C17orf113: variants seen among roughly 807,000 people sequenced by gnomAD.
C17orf113 encodes the protein uncharacterized protein C17orf113.
Under a neutral mutation model 11.6 loss-of-function variants are expected in C17orf113, and 5 were observed. That is an observed-to-expected ratio of 0.43 (90% CI 0.23 to 0.91). The LOEUF is 0.91. C17orf113 is among the 40% of genes least tolerant of loss of function. C17orf113 has a pLI of 0.26. For synonymous variants in C17orf113, 327 were observed against 390.6 expected, an observed-to-expected ratio of 0.84 and a Z score of 1.92; for missense variants, 714 against 841.3, an observed-to-expected ratio of 0.85 and a Z score of 1.87.
At chr17:42,045,719 T>C (rs1253258307) in intron 1 of C17orf113, among the ~76,000 whole-genome samples, 1 of 152,068 alleles carries the variant, frequency 6.6e-6, no homozygotes, top group Non-Finnish European at 1.5e-5. Context: ...GCTGCCTCGG[T>C]CTCTGCATGG....
At chr17:42,046,854 T>C (rs1029583925) in intron 1 of C17orf113, among the ~76,000 whole-genome samples, 32 of 151,320 alleles carry the variant, frequency 2.1e-4, no homozygotes, top group Non-Finnish European at 4.0e-4. Flanking sequence ...TTAGATGATA[T>C]TTTTTTTCCT....
intron 1 of C17orf113, among the ~76,000 whole-genome samples, chr17:42,044,331 A>T: frequency 8.7e-6 from 1 of 115,360 alleles, no homozygotes. Context: ...AAAAAAAAAA[A>T]GACGGCCGGG....
At chr17:42,047,527 T>G (rs1229884893) in intron 1 of C17orf113, among the ~76,000 whole-genome samples, 1 of 152,050 alleles carries the variant, frequency 6.6e-6, no homozygotes, top group Non-Finnish European at 1.5e-5. Context: ...TGTATACCAG[T>G]GCCCTGTGTG....
At position 42,040,355 on chromosome 17, in the gene C17orf113, T is replaced by G; in HGVS notation, c.1378A>C (p.Met460Leu). The change falls in exon 3 of 3, where the codon ATG becomes CTG. Residue 460 changes from methionine to leucine, a missense_variant. Transcript: ENST00000587304. Reference sequence around the variant, plus strand: ...CGTCCGCTGCTGGCGTCAGGGTCCATGGATGCCAGTTCCTGCAGGAAGCCC... The same window carrying G: ...CGTCCGCTGCTGGCGTCAGGGTCCAGGGATGCCAGTTCCTGCAGGAAGCCC... ...LQGFLQELAS[M>L]DPDASSGRCT... 8.1e-7 allele frequency: 1 copy of G among 1,231,796 alleles called. No individual in the cohort carries two copies. The highest frequency in any genetic ancestry group is 1.0e-6 in the Non-Finnish European group (1 of 987,886). 76.3% of individuals were successfully genotyped at this position (1,231,796 alleles called of 1,614,324 possible). A position where few individuals can be genotyped will look rare whatever the true frequency, so the allele number is the denominator to read the frequency against.
rs565475548 is a variant in C17orf113, at chr17:42,039,824, C to T, written c.1909G>A (p.Gly637Ser). 20 of 1,232,068 alleles carry T rather than the reference C, an allele frequency of 1.6e-5. No homozygotes were observed. Among genetic ancestry groups the T allele is most frequent in the African/African-American group, 6.2e-5 (4 of 64,432 alleles). 76.3% of individuals were successfully genotyped at this position (1,232,068 alleles called of 1,614,324 possible). The part of the protein sequence containing the change: ...GQSGAGEGRG[G>S]HMVKIAVDGP... ...TCCACTGCGATCTTCACCATGTGGC[C>T]CCCCCGGCCTTCCCCGGCCCCACTC... is the stretch of plus-strand genomic sequence containing the variant. Residue 637 changes from glycine (G) to serine (S), a missense_variant, in exon 3 of 3, where the codon GGC (glycine) becomes AGC (serine). Around this residue, in one of 3 missense-constraint regions of C17orf113, gnomAD observed 194 missense variants for 197.2 expected, o/e 0.98. Coordinates refer to ENST00000587304, the MANE Select transcript of C17orf113 (RefSeq NM_001358661.2).
chr17:42,044,637 A>T (rs545330213), intron 1 of C17orf113, among the ~76,000 whole-genome samples: 1 of 152,160 alleles, frequency 6.6e-6, no homozygotes, highest in South Asian at 2.1e-4. Context: ...AAAAGAAAGA[A>T]AAGAAATCAG....
At chr17:42,046,888 A>C (rs2053172629) in intron 1 of C17orf113, among the ~76,000 whole-genome samples, 1 of 150,122 alleles carries the variant, frequency 6.7e-6, no homozygotes, top group Non-Finnish European at 1.5e-5. Flanking sequence ...TAATTGAGAC[A>C]GTTTCACTGT....
chr17:42,048,028 A>T (rs2053204299), intron 1 of C17orf113, among the ~76,000 whole-genome samples: 1 of 151,960 alleles, frequency 6.6e-6, no homozygotes, highest in Admixed American at 6.5e-5. Context: ...GGCTTCTAGG[A>T]TCCCATGTTC....
intron 1 of C17orf113, among the ~76,000 whole-genome samples, chr17:42,045,107 C>T (rs782360059): frequency 7.2e-5 from 11 of 152,196 alleles, no homozygotes; most frequent in East Asian, 1.9e-4. Context: ...TTAGTGGAGA[C>T]GGGGTTTCAC....
rs1010116083 is a variant in C17orf113 at position 42,039,967 on chromosome 17, T to C, written c.1766A>G (p.Glu589Gly). Residue 589 changes from glutamate (E) to glycine (G), a missense_variant, in exon 3 of 3, where the codon GAG becomes GGG. This residue lies in a region of C17orf113 where 194 missense variants were observed against 197.2 expected (regional missense o/e 0.98). Transcript: ENST00000587304. ...GAAGTCGGGGAAGAGCTCGTGCAGC[T>C]CCGAGTGCGCGCACGCCAGCTGGGT... is the stretch of plus-strand genomic sequence containing the variant. ...LCTQLACAHS[E>G]LHELFPDFAA... 8.4e-5 allele frequency: 103 copies of C among 1,230,974 alleles called. No individual in the cohort carries two copies. In the East Asian group the frequency reaches 1.7e-3, roughly 21 times the overall value. 76.3% of individuals were successfully genotyped at this position (1,230,974 alleles called of 1,614,324 possible).
rs2053011567 is a variant in C17orf113, at chr17:42,041,194, G to A, written c.544-5C>T. 4.9e-6 allele frequency: 6 copies of A among 1,232,528 alleles called. No individual in the cohort carries two copies. Among genetic ancestry groups the A allele is most frequent in the Non-Finnish European group, 6.1e-6 (6 of 988,240 alleles). The allele number at this position is 1,232,528 out of a possible 1,614,324, so 76.3% of individuals were successfully genotyped here. A position where few individuals can be genotyped will look rare whatever the true frequency, so the allele number is the denominator to read the frequency against. ...CAAGACACTGGCAATGGCCACCTGG[G>A]ACAGCCAGGGAAAGAAAGGGAGGGA... On this transcript the variant is annotated splice_region_variant and splice_polypyrimidine_tract_variant and intron_variant, in intron 2 of 2. Coordinates refer to ENST00000587304, the MANE Select transcript of C17orf113 (RefSeq NM_001358661.2).
intron 1 of C17orf113, among the ~76,000 whole-genome samples, chr17:42,047,085 G>A (rs974637697): frequency 6.0e-5 from 9 of 149,996 alleles, no homozygotes; most frequent in African/African-American, 2.2e-4. Context: ...AGGCTGGAGC[G>A]CAGTGGCGCG....
rs1051001853 is a variant in C17orf113 at position 42,040,302 on chromosome 17, G to A, written c.1431C>T (p.Leu477=). ...CCCGGACCGCAGCCTCGGAGTAACC[G>A]AGCAGCTCCACGCCGCGGTAGGTGC... The part of the protein sequence containing the change: ...GRCTYRGVEL[L]GYSEAAVRGL... The change falls in exon 3 of 3, where the codon CTC becomes CTT. Residue 477 remains leucine, a synonymous_variant. Coordinates refer to ENST00000587304, the MANE Select transcript of C17orf113 (RefSeq NM_001358661.2). The A allele has an allele frequency of 3.2e-5, 39 of 1,231,704 alleles. No individual in the cohort carries two copies. The highest frequency in any genetic ancestry group is 6.2e-5 in the African/African-American group (4 of 64,544). 76.3% of individuals were successfully genotyped at this position (1,231,704 alleles called of 1,614,324 possible). A position where few individuals can be genotyped will look rare whatever the true frequency, so the allele number is the denominator to read the frequency against.
In C17orf113 at chr17:42,040,640, C is replaced by T. The variant is rs562109508; in HGVS notation, c.1093G>A (p.Ala365Thr). The T allele has an allele frequency of 8.1e-7, 1 of 1,232,296 alleles. No homozygotes were observed. Among genetic ancestry groups the T allele is most frequent in the South Asian group, 4.1e-5 (1 of 24,320 alleles). 76.3% of individuals were successfully genotyped at this position (1,232,296 alleles called of 1,614,324 possible). Residue 365 changes from alanine (A) to threonine (T), a missense_variant, in exon 3 of 3, where the codon GCC becomes ACC. Physicochemically the swap from Ala to Thr is moderately conservative, Grantham distance 58. Around this residue, in one of 3 missense-constraint regions of C17orf113, gnomAD observed 516 missense variants for 626.6 expected, o/e 0.82. Coordinates refer to ENST00000587304, the MANE Select transcript of C17orf113 (RefSeq NM_001358661.2). ...ASLLPVVEAV[A>T]EAWPGLVPTL... ...GGCACCAGGCCAGGCCAGGCCTCGG[C>T]CACTGCTTCCACTACAGGCAGCAGG...
At chr17:42,047,461 C>T (rs1555656730) in intron 1 of C17orf113, among the ~76,000 whole-genome samples, 1 of 152,066 alleles carries the variant, frequency 6.6e-6, no homozygotes, top group Admixed American at 6.6e-5. Context: ...AGGCGCCTGG[C>T]CCAATTAGAC....
intron 1 of C17orf113, among the ~76,000 whole-genome samples, chr17:42,043,928 G>A (rs1555656364): frequency 6.6e-6 from 1 of 152,012 alleles, no homozygotes; most frequent in Non-Finnish European, 1.5e-5. Flanking sequence ...GGGCCCATGA[G>A]GAGTTCATAG....
chr17:42,045,717 G>A (rs1440263996), intron 1 of C17orf113, among the ~76,000 whole-genome samples: 1 of 152,022 alleles, frequency 6.6e-6, no homozygotes, highest in Non-Finnish European at 1.5e-5. Context: ...CAGCTGCCTC[G>A]GTCTCTGCAT....
In C17orf113 at chr17:42,042,621, C is replaced by T. The variant is rs112531941; in HGVS notation, c.543+213G>A. Among the ~76,000 whole-genome samples, 10 of 152,336 alleles carry T rather than the reference C, an allele frequency of 6.6e-5. 1 individual carries two copies. The highest frequency in any genetic ancestry group is 4.1e-4 in the South Asian group (2 of 4,826). ...GCAGTGAGAAGAGTGCCCCTGTGCC[C>T]GCTAAGAGGCCTGGTCTGGCCTCTT... On this transcript the variant is annotated intron_variant, in intron 2 of 2. Coordinates refer to ENST00000587304, the MANE Select transcript of C17orf113 (RefSeq NM_001358661.2).
rs1167469260 is a variant in C17orf113 at position 42,039,593 on chromosome 17, C to G, written c.*112G>C. ...AAGGGCGGGTGGATGGCCTCAGGCC[C>G]CTGGGAGGCTGCAGTCAGCAGATCA... On this transcript the variant is annotated 3_prime_UTR_variant, in exon 3 of 3. Transcript: ENST00000587304. 2.9e-6 allele frequency: 3 copies of G among 1,039,002 alleles called. No individual in the cohort carries two copies. The highest frequency in any genetic ancestry group is 8.5e-5 in the Admixed American group (2 of 23,454). 64.4% of individuals were successfully genotyped at this position (1,039,002 alleles called of 1,614,324 possible). A position where few individuals can be genotyped will look rare whatever the true frequency, so the allele number is the denominator to read the frequency against.
Sources: gnomAD v4.1 joint callset for allele counts (sites outside exome capture counted in the v4.1 genomes callset) on GRCh38, gnomAD v4.1.1 for gene constraint, gnomAD v4.1.1 regional missense constraint, MANE v1.5 for transcripts, NCBI Gene and HGNC (gene_info 2026-07-23, HGNC 2026-07-21) for gene names.